Variants in PIK3R4 observed in about 807,000 individuals in gnomAD.
PIK3R4 encodes phosphoinositide-3-kinase regulatory subunit 4, also known as phosphoinositide 3-kinase regulatory subunit 4.
In PIK3R4, 46 loss-of-function variants were observed where a neutral mutation model predicts 136.5. The observed-to-expected ratio is 0.34, with a 90% CI of 0.27 to 0.43. The LOEUF (loss-of-function observed/expected upper bound fraction) is 0.43, where lower values mean the gene tolerates loss of function less well. Among genes scored for constraint, PIK3R4 ranks in the 20% least tolerant of loss-of-function variants. The pLI, the probability that PIK3R4 is intolerant of heterozygous loss-of-function variation, is 1.00. For synonymous variants in PIK3R4, 557 were observed against 566.7 expected (o/e 0.98, Z 0.24); for missense variants, 1,331 against 1,649.5 (o/e 0.81, Z 3.35).
intron 13 of PIK3R4, among the ~76,000 whole-genome samples, chr3:130,701,491 A>T (rs1237374649): frequency 6.6e-6 from 1 of 151,866 alleles, no homozygotes; most frequent in Non-Finnish European, 1.5e-5. Context: ...CATCCTGGGC[A>T]ACAGAGCGAG....
At chr3:130,700,788 C>T (rs1161417458) in intron 13 of PIK3R4, among the ~76,000 whole-genome samples, 3 of 152,220 alleles carry the variant, frequency 2.0e-5, no homozygotes, top group Non-Finnish European at 4.4e-5. Context: ...ATAAGAATTG[C>T]TTCCTTCTCC....
Position 130,686,892 on chromosome 3 carries a change from A to G in PIK3R4, c.3264-470T>C, listed in dbSNP as rs76739806. ...TGGTTATTTTAGAGAATGTTCCTCA[A>G]TTTGGGTTTGTTTGATGTTTTCTCA... On this transcript the variant is annotated intron_variant, in intron 14 of 19. Transcript: ENST00000356763. Among the ~76,000 whole-genome samples, 105 of 152,236 alleles carry G rather than the reference A, an allele frequency of 6.9e-4. 1 individual carries two copies. In the East Asian group the frequency reaches 0.019, roughly 27 times the overall value.
In PIK3R4 at chr3:130,679,283, T is replaced by TAACTA. The variant is rs535643692; in HGVS notation, c.*27_*31dup. On this transcript the variant is annotated 3_prime_UTR_variant, in exon 20 of 20. Coordinates refer to ENST00000356763, the MANE Select transcript of PIK3R4 (RefSeq NM_014602.3). ...TTCTCGAGTTATAGTATTATATTTA[T>TAACTA]AACTATTAAAATTTATACAAATCAG... is the stretch of plus-strand genomic sequence containing the variant. 912 of 1,367,046 alleles carry TAACTA rather than the reference T, an allele frequency of 6.7e-4. 9 individuals carry two copies. In the African/African-American group the frequency reaches 0.012, roughly 18 times the overall value. 84.7% of individuals were successfully genotyped at this position (1,367,046 alleles called of 1,614,324 possible).
chr3:130,735,859 G>T lies in PIK3R4; in HGVS notation c.867+10C>A. On this transcript the variant is annotated intron_variant, in intron 3 of 19. Coordinates refer to ENST00000356763, the MANE Select transcript of PIK3R4 (RefSeq NM_014602.3). ...AAAAACTTTATGGCGAATATTTGTA[G>T]CATAGTTACCAATTCTCTGATACTG... 1 of 1,601,472 alleles carries T rather than the reference G, an allele frequency of 6.2e-7. No individual in the cohort carries two copies.
intron 9 of PIK3R4, among the ~76,000 whole-genome samples, chr3:130,712,616 C>T (rs950791379): frequency 6.7e-6 from 1 of 149,922 alleles, no homozygotes; most frequent in East Asian, 2.0e-4. Flanking sequence ...TGTGGTGAGC[C>T]GAGATCACAC....
intron 15 of PIK3R4, 84 bp downstream of exon 15, chr3:130,686,127 G>A (rs2066488458): frequency 9.9e-5 from 70 of 707,222 alleles, no homozygotes; most frequent in South Asian, 5.2e-4. Flanking sequence ...AATGAACAAA[G>A]AGGAAAAAAC....
chr3:130,728,703 G>GAA lies in PIK3R4; in HGVS notation c.1586-21_1586-20dup. 56 of 904,218 alleles carry GAA rather than the reference G, an allele frequency of 6.2e-5. No individual in the cohort carries two copies. The highest frequency in any genetic ancestry group is 8.8e-5 in the Non-Finnish European group (56 of 637,782). The allele number at this position is 904,218 out of a possible 1,614,324, so 56.0% of individuals were successfully genotyped here. The stretch of plus-strand genomic sequence containing the variant: ...TGGAGCTCTAAAAAAAAAAAAAAAA[G>GAA]AAAGAAAGAAAGAAAGAAAAGAAAT... On this transcript the variant is annotated intron_variant, in intron 5 of 19. Coordinates refer to ENST00000356763, the MANE Select transcript of PIK3R4 (RefSeq NM_014602.3).
intron 7 of PIK3R4, among the ~76,000 whole-genome samples, chr3:130,722,233 C>T (rs2066705000): frequency 6.6e-6 from 1 of 151,896 alleles, no homozygotes; most frequent in Admixed American, 6.6e-5. Flanking sequence ...TTTTTTCTCC[C>T]CATAGTTTTC....
intron 8 of PIK3R4, among the ~76,000 whole-genome samples, chr3:130,717,837 A>G (rs986115326): frequency 6.6e-6 from 1 of 152,222 alleles, no homozygotes; most frequent in African/African-American, 2.4e-5. Context: ...AGCAAGATGA[A>G]GGGTATAAAC....
intron 2 of PIK3R4, among the ~76,000 whole-genome samples, chr3:130,742,132 T>A (rs1446536712): frequency 6.6e-6 from 1 of 152,160 alleles, no homozygotes; most frequent in Non-Finnish European, 1.5e-5. Flanking sequence ...ACCATGGATA[T>A]CCATCAAGAG....
chr3:130,692,256 A>T (rs1378403764), intron 13 of PIK3R4, among the ~76,000 whole-genome samples: 1 of 152,184 alleles, frequency 6.6e-6, no homozygotes, highest in African/African-American at 2.4e-5. Flanking sequence ...AATGATTTTT[A>T]GTATATTAAC....
chr3:130,739,374 CTT>C (rs1454903804), intron 2 of PIK3R4, among the ~76,000 whole-genome samples: 1 of 151,990 alleles, frequency 6.6e-6, no homozygotes, highest in African/African-American at 2.4e-5. Context: ...CCGCGCTGGC[CTT>C]TTGTTTGTTT....
At chr3:130,731,491 A>G (rs1243862135) in intron 4 of PIK3R4, among the ~76,000 whole-genome samples, 1 of 152,134 alleles carries the variant, frequency 6.6e-6, no homozygotes, top group African/African-American at 2.4e-5. Flanking sequence ...AATACCCTAT[A>G]ACGCCTGCTC....
At chr3:130,744,089 A>T (rs770182582) in intron 2 of PIK3R4, among the ~76,000 whole-genome samples, 1 of 152,168 alleles carries the variant, frequency 6.6e-6, no homozygotes, top group Non-Finnish European at 1.5e-5. Context: ...TTAAATATCT[A>T]TGTGTTCCTA....
At chr3:130,690,924 G>T (rs1013692735) in intron 13 of PIK3R4, among the ~76,000 whole-genome samples, 1 of 146,378 alleles carries the variant, frequency 6.8e-6, no homozygotes, top group East Asian at 2.0e-4. Flanking sequence ...CTGAGACAGG[G>T]TCTCACTCTG....
intron 13 of PIK3R4, among the ~76,000 whole-genome samples, chr3:130,697,062 GC>G (rs1559821996): frequency 4.6e-4 from 44 of 96,396 alleles, no homozygotes; most frequent in African/African-American, 1.4e-3. Flanking sequence ...GGCCACTCCA[GC>G]TTTTTTTTTT....
chr3:130,686,455 G>A, intron 14 of PIK3R4, 33 bp from the exon 15 acceptor site: 2 of 1,350,148 alleles, frequency 1.5e-6, no homozygotes, highest in Non-Finnish European at 2.1e-6. Flanking sequence ...GACGTTTCCA[G>A]TCACTGAAAA....
At chr3:130,733,143 A>C (rs1045639335) in intron 4 of PIK3R4, among the ~76,000 whole-genome samples, 3 of 152,212 alleles carry the variant, frequency 2.0e-5, no homozygotes, top group African/African-American at 7.2e-5. Context: ...TCAACATCAA[A>C]TTATCTAGCA....
In PIK3R4 at chr3:130,723,499, A is replaced by G. The variant is rs201678984; in HGVS notation, c.1896T>C (p.Ile632=). 1.9e-6 allele frequency: 3 copies of G among 1,614,134 alleles called. No individual in the cohort carries two copies. Among genetic ancestry groups the G allele is most frequent in the African/African-American group, 2.7e-5 (2 of 75,048 alleles). Residue 632 remains isoleucine (I), a synonymous_variant, in exon 7 of 20, where the codon ATT becomes ATC. Transcript: ENST00000356763. The part of the protein sequence containing the change: ...QGLSDAEEFV[I]VKALYALTCM... ...AAGTAAGGGCATAAAGAGCTTTCAC[A>G]ATGACAAATTCCTCAGCATCACTAA...
Sources: gnomAD v4.1 joint callset for allele counts (sites outside exome capture counted in the v4.1 genomes callset) on GRCh38, gnomAD v4.1.1 for gene constraint, MANE v1.5 for transcripts, NCBI Gene and HGNC (gene_info 2026-07-23, HGNC 2026-07-21) for gene names.